The following TECPR1 variants were observed in gnomAD, a reference collection of about 807,000 sequenced individuals.
The protein encoded by TECPR1 is tectonin beta-propeller repeat-containing protein 1.
TECPR1 carries 122 observed loss-of-function variants against 162.4 expected under a neutral mutation model. That is an observed-to-expected ratio of 0.75 (90% CI 0.65 to 0.87). The LOEUF (loss-of-function observed/expected upper bound fraction) is 0.87. Ranked by LOEUF, TECPR1 falls within the 40% of genes least tolerant of loss-of-function variation. The pLI, the probability that TECPR1 is intolerant of heterozygous loss-of-function variation, is 0.00. For missense variants in TECPR1, 1,432 were observed against 1,618.2 expected (o/e 0.88, Z 1.97); for synonymous variants, 642 against 670.6 (o/e 0.96, Z 0.66).
intron 15 of TECPR1, 60 bp from the exon 16 acceptor site, chr7:98,229,226 G>C: frequency 6.6e-7 from 1 of 1,524,756 alleles, no homozygotes; most frequent in Non-Finnish European, 8.9e-7. Context: ...AACCCTGCCT[G>C]GCTGCCCTTT....
At position 98,233,588 on chromosome 7, in the gene TECPR1, G is replaced by A. The variant is rs749799075; in HGVS notation, c.1505C>T (p.Ser502Leu). The change falls in exon 11 of 26, where the codon TCG (serine) becomes TTG (leucine). Residue 502 changes from serine to leucine, a missense_variant. Physicochemically the swap from Ser to Leu is moderately radical, Grantham distance 145. Transcript: ENST00000447648. ...LKEAKKVPSH[S>L]AAGFPETTSL... is the part of the protein sequence containing the mutation. ...GGTGGTCTCGGGGAAGCCAGCGGCC[G>A]AGTGGCTGGGCACTTTCTTGGCCTC... 1.4e-5 allele frequency: 23 copies of A among 1,591,328 alleles called. No homozygotes were observed. Among genetic ancestry groups the A allele is most frequent in the African/African-American group, 4.1e-5 (3 of 74,066 alleles).
chr7:98,246,592 AT>A (rs1223531436), intron 2 of TECPR1, among the ~76,000 whole-genome samples: 1 of 138,022 alleles, frequency 7.2e-6, no homozygotes, highest in Non-Finnish European at 1.6e-5. Context: ...TTTTTTGTTT[AT>A]TTTTTTGAGA....
chr7:98,250,319 TAA>T, intron 2 of TECPR1, among the ~76,000 whole-genome samples: 3 of 151,964 alleles, frequency 2.0e-5, no homozygotes, highest in Middle Eastern at 3.4e-3. Context: ...GTGTTAAATA[TAA>T]GTTAGCCTTC....
At position 98,232,899 on chromosome 7, in the gene TECPR1, G is replaced by A; in HGVS notation, c.1746C>T (p.Ile582=). Residue 582 remains isoleucine (I), a synonymous_variant, in exon 12 of 26, where the codon ATC becomes ATT. Transcript: ENST00000447648. The surrounding 1 kb of genome is among the most constrained non-coding windows in gnomAD (Gnocchi z 4.6). ...PAQTAAWRKQ[I]FQQLTERTKR... is the part of the protein sequence containing the mutation. The stretch of plus-strand genomic sequence containing the variant: ...TGGTCCTTTCCGTGAGCTGCTGGAA[G>A]ATCTGCTTCCTCCAGGCAGCGGTCT... 6.2e-7 allele frequency: 1 copy of A among 1,612,998 alleles called. No individual in the cohort carries two copies. Among genetic ancestry groups the A allele is most frequent in the East Asian group, 2.2e-5 (1 of 44,874 alleles).
chr7:98,246,110 C>G lies in TECPR1; in HGVS notation c.37G>C (p.Gly13Arg). The part of the protein sequence containing the change: ...NSVLWAVDLF[G>R]RVYTLSTAGQ... ...GCTGTGGACAGCGTGTACACTCTCCCGAAGAGGTCCACCGCCCACAGCACT... is the reference window on the plus strand; with the variant it reads ...GCTGTGGACAGCGTGTACACTCTCCGGAAGAGGTCCACCGCCCACAGCACT... The change falls in exon 3 of 26, where the codon GGG (glycine) becomes CGG (arginine). Residue 13 changes from glycine (G) to arginine (R), a missense_variant. Gly to Arg is a moderately radical substitution (Grantham distance 125). Transcript: ENST00000447648. 6.4e-7 allele frequency: 1 copy of G among 1,553,978 alleles called. No homozygotes were observed. The highest frequency in any genetic ancestry group is 1.2e-5 in the South Asian group (1 of 84,354).
rs1211570959 is a variant in TECPR1, at chr7:98,222,536, G to A, written c.2929-15C>T. The A allele has an allele frequency of 5.1e-6, 8 of 1,560,022 alleles. No individual in the cohort carries two copies. Among genetic ancestry groups the A allele is most frequent in the Non-Finnish European group, 6.9e-6 (8 of 1,153,522 alleles). ...CAGGAGGAGCCCTGGGGATAGCAAG[G>A]AGGGGCGCTGAGGTCACCAGGGCCC... On this transcript the variant is annotated splice_polypyrimidine_tract_variant and intron_variant, in intron 21 of 25. Transcript: ENST00000447648.
chr7:98,226,533 C>A, intron 17 of TECPR1: 1 of 1,046,582 alleles, frequency 9.6e-7, no homozygotes, highest in Non-Finnish European at 1.2e-6. Context: ...AGGCCACACC[C>A]CACATGCTAA....
chr7:98,218,269 G>A (rs542866219), intron 23 of TECPR1, among the ~76,000 whole-genome samples: 9 of 152,290 alleles, frequency 5.9e-5, no homozygotes, highest in South Asian at 4.1e-4. Flanking sequence ...CACTCGGGGC[G>A]TCCCCCGAGC....
intron 2 of TECPR1, among the ~76,000 whole-genome samples, chr7:98,246,574 T>C (rs1327847930): frequency 6.6e-6 from 1 of 151,594 alleles, no homozygotes; most frequent in Non-Finnish European, 1.5e-5. Flanking sequence ...CAACTGCTTA[T>C]TCTTTCTTTT....
At chr7:98,222,917 A>G in intron 21 of TECPR1, 73 bp downstream of exon 21, 1 of 1,566,086 alleles carries the variant, frequency 6.4e-7, no homozygotes, top group African/African-American at 1.3e-5. Flanking sequence ...TGTCCTGAGC[A>G]GGGTCTGAGC....
At chr7:98,250,382 C>A (rs564684439) in intron 2 of TECPR1, among the ~76,000 whole-genome samples, 24 of 152,092 alleles carry the variant, frequency 1.6e-4, no homozygotes, top group African/African-American at 5.1e-4. Flanking sequence ...AATCCCAGCC[C>A]TTTCCGGGGC....
chr7:98,242,751 ACACCCACC>A (rs1311848551), intron 6 of TECPR1, among the ~76,000 whole-genome samples: 1 of 66,754 alleles, frequency 1.5e-5, no homozygotes, highest in Non-Finnish European at 2.9e-5. Flanking sequence ...ATCCATCTAC[ACACCCACC>A]CACCCATCCA....
At chr7:98,229,975 T>G (rs747630) in intron 15 of TECPR1, among the ~76,000 whole-genome samples, 33,311 of 145,870 alleles carry the variant, frequency 0.23, 4,109 homozygotes, top group South Asian at 0.43. Context: ...CCAGGGAACC[T>G]CATTCCCCCT....
rs79382137 is a variant in TECPR1, at chr7:98,246,037, C to T, written c.110G>A (p.Arg37His). Reference sequence around the variant, plus strand: ...GCAGCACTGCGTGGTGGCGCTGACGCGCTTGAACTCCAGCTGGGAGTCCTT... The same window carrying T: ...GCAGCACTGCGTGGTGGCGCTGACGTGCTTGAACTCCAGCTGGGAGTCCTT... ...MCKDSQLEFK[R>H]VSATTQCCWG... Residue 37 changes from arginine to histidine, a missense_variant, in exon 3 of 26, where the codon CGC becomes CAC. By Grantham distance (29) the Arg-to-His change is conservative (BLOSUM62 0). Coordinates refer to ENST00000447648, the MANE Select transcript of TECPR1 (RefSeq NM_015395.3). 489 of 1,588,402 alleles carry T rather than the reference C, an allele frequency of 3.1e-4. 2 individuals are homozygous for T. In the East Asian group the frequency reaches 7.8e-3, roughly 25 times the overall value.
At chr7:98,250,453 C>A (rs1799035600) in intron 2 of TECPR1, among the ~76,000 whole-genome samples, 1 of 151,690 alleles carries the variant, frequency 6.6e-6, no homozygotes, top group Non-Finnish European at 1.5e-5. Flanking sequence ...CACAGGGAGA[C>A]CCCATCTCTG....
intron 2 of TECPR1, among the ~76,000 whole-genome samples, chr7:98,246,918 A>G (rs748747174): frequency 6.6e-6 from 1 of 151,824 alleles, no homozygotes; most frequent in Non-Finnish European, 1.5e-5. Flanking sequence ...AAAATAGATC[A>G]CTTGAGGCCA....
chr7:98,229,132 C>G lies in TECPR1; in HGVS notation c.2317G>C (p.Val773Leu). The G allele has an allele frequency of 6.4e-7, 1 of 1,565,730 alleles. No individual in the cohort carries two copies. The highest frequency in any genetic ancestry group is 8.7e-7 in the Non-Finnish European group (1 of 1,155,956). Reference protein sequence around the residue: ...WRQMGGHLRMVEANSRGVVWG... With the variant: ...WRQMGGHLRMLEANSRGVVWG... Reference sequence around the variant, plus strand: ...ACCACGCCCCGGCTGTTGGCCTCCACCATCCGCAGGTGGCCTCCCATCTGC... The same window carrying G: ...ACCACGCCCCGGCTGTTGGCCTCCAGCATCCGCAGGTGGCCTCCCATCTGC... Residue 773 changes from valine (V) to leucine (L), a missense_variant, in exon 16 of 26, where the codon GTG becomes CTG. Transcript: ENST00000447648.
intron 23 of TECPR1, among the ~76,000 whole-genome samples, chr7:98,221,428 C>T (rs1304603629): frequency 6.6e-6 from 1 of 152,050 alleles, no homozygotes; most frequent in Non-Finnish European, 1.5e-5. Context: ...TGTATCAAAA[C>T]ATCTCATGTA....
intron 15 of TECPR1, among the ~76,000 whole-genome samples, chr7:98,230,127 GCTGGAACTA>G (rs969909245): frequency 2.7e-4 from 41 of 151,710 alleles, no homozygotes; most frequent in African/African-American, 9.9e-4. Context: ...CCTCCGAGCA[GCTGGAACTA>G]CAAGTGCATG....
Sources: allele counts gnomAD v4.1 joint callset (sites outside exome capture counted in the v4.1 genomes callset), GRCh38; gene constraint gnomAD v4.1.1; non-coding constraint Gnocchi (gnomAD v3.1); transcripts MANE v1.5; gene names NCBI Gene and HGNC (gene_info 2026-07-23, HGNC 2026-07-21).